Variants in CDH12 observed in about 807,000 individuals in gnomAD.
CDH12 encodes the protein cadherin 12.
CDH12 carries 41 observed loss-of-function variants against 74.1 expected under a neutral mutation model. The observed-to-expected ratio is 0.55, with a 90% CI of 0.43 to 0.72. The LOEUF (loss-of-function observed/expected upper bound fraction) is 0.72. Among genes scored for constraint, CDH12 ranks in the 30% least tolerant of loss-of-function variants. CDH12 has a pLI of 0.00. For missense variants in CDH12, 945 were observed against 977.2 expected, an observed-to-expected ratio of 0.97 and a Z score of 0.44; for synonymous variants, 399 against 355.0, an observed-to-expected ratio of 1.12 and a Z score of -1.39.
intron 3 of CDH12, among the ~76,000 whole-genome samples, chr5:22,283,222 A>ATAT (rs1736974184): frequency 1.7e-5 from 1 of 57,164 alleles, no homozygotes; most frequent in African/African-American, 1.1e-4. Flanking sequence ...ATATAGATAT[A>ATAT]TATATATATA....
At chr5:22,281,906 C>T (rs1322687724) in intron 3 of CDH12, among the ~76,000 whole-genome samples, 2 of 152,070 alleles carry the variant, frequency 1.3e-5, no homozygotes, top group Non-Finnish European at 2.9e-5. Context: ...AAAACGAGCC[C>T]GCATAGCAAA....
At chr5:22,812,605 T>C (rs1749204766) in intron 1 of CDH12, among the ~76,000 whole-genome samples, 1 of 152,140 alleles carries the variant, frequency 6.6e-6, no homozygotes, top group African/African-American at 2.4e-5. Flanking sequence ...CTTAGAAATC[T>C]GTGTATATTC....
At chr5:21,827,209 A>G (rs1329067848) in intron 8 of CDH12, among the ~76,000 whole-genome samples, 1 of 152,162 alleles carries the variant, frequency 6.6e-6, no homozygotes, top group Non-Finnish European at 1.5e-5. Flanking sequence ...CTGAAAGTCA[A>G]CCAAATAGAT....
chr5:21,858,272 G>A (rs1750857145), intron 6 of CDH12, among the ~76,000 whole-genome samples: 1 of 151,810 alleles, frequency 6.6e-6, no homozygotes. Flanking sequence ...TTTCTATGTT[G>A]TAAAATTATA....
At chr5:22,687,711 G>T (rs1741885509) in intron 1 of CDH12, among the ~76,000 whole-genome samples, 1 of 152,156 alleles carries the variant, frequency 6.6e-6, no homozygotes, top group Admixed American at 6.5e-5. Flanking sequence ...CACTGTGCCT[G>T]GCTCATGCTC....
intron 3 of CDH12, among the ~76,000 whole-genome samples, chr5:22,224,414 G>A (rs1389962245): frequency 1.3e-5 from 2 of 152,088 alleles, no homozygotes; most frequent in Admixed American, 6.6e-5. Context: ...TCCTGCATGA[G>A]GTCACTTGGA....
intron 6 of CDH12, among the ~76,000 whole-genome samples, chr5:21,870,515 C>T (rs1281450427): frequency 6.6e-6 from 1 of 152,120 alleles, no homozygotes; most frequent in Non-Finnish European, 1.5e-5. Flanking sequence ...CCATTCAATC[C>T]TGGACTTTTC....
intron 6 of CDH12, among the ~76,000 whole-genome samples, chr5:21,937,131 T>C (rs1430768185): frequency 6.6e-6 from 1 of 152,164 alleles, no homozygotes; most frequent in Non-Finnish European, 1.5e-5. Context: ...CAATGTGGCA[T>C]TAAAACAGAT....
chr5:22,534,262 T>C (rs1737725680), intron 1 of CDH12, among the ~76,000 whole-genome samples: 1 of 152,030 alleles, frequency 6.6e-6, no homozygotes, highest in African/African-American at 2.4e-5. Context: ...ATGAGTACGT[T>C]ATTTAGTGGT....
chr5:21,783,565 T>C, intron 10 of CDH12, 71 bp from the exon 11 acceptor site: 1 of 1,151,592 alleles, frequency 8.7e-7, no homozygotes, highest in Non-Finnish European at 1.3e-6. Context: ...TAGGCTAACT[T>C]GACACAGTTC....
intron 6 of CDH12, among the ~76,000 whole-genome samples, chr5:21,871,688 C>T (rs1461421591): frequency 1.3e-5 from 2 of 152,186 alleles, no homozygotes; most frequent in African/African-American, 4.8e-5. Context: ...GATTGCACCA[C>T]TGCACTCCAG....
intron 3 of CDH12, among the ~76,000 whole-genome samples, chr5:22,310,473 A>G (rs1030007506): frequency 6.6e-6 from 1 of 151,864 alleles, no homozygotes; most frequent in African/African-American, 2.4e-5. Context: ...AAAAAAAAAA[A>G]AATGGCAATG....
chr5:22,631,059 G>C (rs1738559423), intron 1 of CDH12, among the ~76,000 whole-genome samples: 1 of 152,082 alleles, frequency 6.6e-6, no homozygotes, highest in South Asian at 2.1e-4. Context: ...CTTAATTAGA[G>C]AAATGAAAAT....
intron 1 of CDH12, among the ~76,000 whole-genome samples, chr5:22,779,002 T>G (rs534110759): frequency 9.2e-5 from 14 of 152,286 alleles, no homozygotes; most frequent in Middle Eastern, 3.4e-3. Context: ...TTCTCTTCAC[T>G]AAAATAATAT....
At chr5:22,641,175 G>T (rs1739129810) in intron 1 of CDH12, among the ~76,000 whole-genome samples, 1 of 152,134 alleles carries the variant, frequency 6.6e-6, no homozygotes, top group Admixed American at 6.5e-5. Context: ...GCAAACTGAA[G>T]CCCCTGGGAT....
intron 5 of CDH12, among the ~76,000 whole-genome samples, chr5:22,028,436 C>A (rs1366284052): frequency 2.0e-5 from 3 of 151,982 alleles, no homozygotes; most frequent in Admixed American, 1.3e-4. Flanking sequence ...AATCAATGTA[C>A]AAAAATCACA....
chr5:22,084,543 T>C (rs1288475775), intron 4 of CDH12, among the ~76,000 whole-genome samples: 1 of 152,142 alleles, frequency 6.6e-6, no homozygotes, highest in East Asian at 1.9e-4. Context: ...TATGACTAAG[T>C]AAATATTTTT....
At chr5:21,925,941 T>TG (rs1554044868) in intron 6 of CDH12, among the ~76,000 whole-genome samples, 4 of 149,538 alleles carry the variant, frequency 2.7e-5, no homozygotes, top group Non-Finnish European at 5.9e-5. Context: ...ATGCTTTTGA[T>TG]AAAAAAAAAA....
intron 6 of CDH12, among the ~76,000 whole-genome samples, chr5:21,964,482 G>T (rs1172702971): frequency 6.6e-6 from 1 of 151,694 alleles, no homozygotes; most frequent in African/African-American, 2.4e-5. Context: ...TTACCCTCAG[G>T]AAAAACAAAT....
Sources: gnomAD v4.1 joint callset for allele counts (sites outside exome capture counted in the v4.1 genomes callset) on GRCh38, gnomAD v4.1.1 for gene constraint, MANE v1.5 for transcripts, NCBI Gene and HGNC (gene_info 2026-07-23, HGNC 2026-07-21) for gene names.